MGAT4D: variants seen among roughly 807,000 people sequenced by gnomAD.
The protein encoded by MGAT4D is MGAT4 family member D.
Under a neutral mutation model 15.9 loss-of-function variants are expected in MGAT4D, and 34 were observed. The ratio of observed to expected loss-of-function variants is 2.14; its 90% CI spans 1.62 to 2.84. The LOEUF (loss-of-function observed/expected upper bound fraction) is 2.84, where lower values mean the gene tolerates loss of function less well. Among genes scored for constraint, MGAT4D ranks in the 30% most tolerant of loss-of-function variants. The pLI is 0.00. For synonymous variants in MGAT4D, 112 were observed against 48.2 expected (o/e 2.33, Z -5.49); for missense variants, 327 against 140.2 (o/e 2.33, Z -6.73).
At chr4:140,492,627 CAAA>C (rs57107544) in intron 1 of MGAT4D, among the ~76,000 whole-genome samples, 10 of 113,806 alleles carry the variant, frequency 8.8e-5, no homozygotes, top group South Asian at 2.7e-4. Flanking sequence ...GACTCTGTCT[CAAA>C]AAAAAAAAAA....
At chr4:140,497,478 C>T (rs1406724515) in intron 1 of MGAT4D, among the ~76,000 whole-genome samples, 3 of 152,120 alleles carry the variant, frequency 2.0e-5, no homozygotes, top group African/African-American at 4.8e-5. Context: ...AACTGGGCAA[C>T]CTGTACCTTT....
At chr4:140,450,318 G>C (rs1294164750) in intron 10 of MGAT4D, among the ~76,000 whole-genome samples, 1 of 151,998 alleles carries the variant, frequency 6.6e-6, no homozygotes, top group Admixed American at 6.6e-5. Flanking sequence ...ATCATATCTG[G>C]CCAAAAAATA....
intron 1 of MGAT4D, among the ~76,000 whole-genome samples, chr4:140,493,050 G>A (rs1450878894): frequency 6.6e-6 from 1 of 151,866 alleles, no homozygotes; most frequent in Non-Finnish European, 1.5e-5. Context: ...CCATTTTCTT[G>A]CTTCCTTATT....
chr4:140,442,663 G>A lies in MGAT4D; in HGVS notation c.*773C>T, dbSNP rs944562212. 6.6e-6 allele frequency: 1 copy of A among 152,142 alleles called. No homozygotes were observed. The highest frequency in any genetic ancestry group is 2.4e-5 in the African/African-American group (1 of 41,524). 9.4% of individuals were successfully genotyped at this position (152,142 alleles called of 1,614,324 possible). Reference sequence around the variant, plus strand: ...AAATGAATATAACATATTTAAAAGGGAGTATACAGAAACTATACATTCTTT... The same window carrying A: ...AAATGAATATAACATATTTAAAAGGAAGTATACAGAAACTATACATTCTTT... On this transcript the variant is annotated 3_prime_UTR_variant, in exon 11 of 11. Transcript: ENST00000511113.
chr4:140,495,374 G>A (rs752638526), intron 1 of MGAT4D, among the ~76,000 whole-genome samples: 1 of 152,136 alleles, frequency 6.6e-6, no homozygotes, highest in Non-Finnish European at 1.5e-5. Context: ...TCATTTGTTT[G>A]TTGTTTACTT....
chr4:140,477,863 A>C (rs1442001725), intron 3 of MGAT4D, among the ~76,000 whole-genome samples: 2 of 152,226 alleles, frequency 1.3e-5, no homozygotes, highest in Non-Finnish European at 2.9e-5. Flanking sequence ...ATAAATTACA[A>C]ATATGTTTCC....
intron 5 of MGAT4D, among the ~76,000 whole-genome samples, chr4:140,469,335 T>G (rs1731758408): frequency 6.6e-6 from 1 of 152,202 alleles, no homozygotes; most frequent in Admixed American, 6.5e-5. Context: ...CGCCCTTACA[T>G]TCTTCAGTGT....
At chr4:140,498,038 T>G (rs1427245665) in intron 1 of MGAT4D, 91 bp downstream of exon 1, 6 of 611,804 alleles carry the variant, frequency 9.8e-6, no homozygotes, top group Non-Finnish European at 1.8e-5. Context: ...CCGCATCGCC[T>G]CCGCACCCGC....
intron 1 of MGAT4D, among the ~76,000 whole-genome samples, chr4:140,493,586 T>G (rs927884004): frequency 2.0e-5 from 3 of 152,160 alleles, no homozygotes; most frequent in African/African-American, 7.2e-5. Context: ...TGAGCCACCG[T>G]GCCTGGCCTG....
chr4:140,456,978 A>G (rs1730850374), intron 8 of MGAT4D: 2 of 193,246 alleles, frequency 1.0e-5, no homozygotes, highest in East Asian at 2.4e-4. Flanking sequence ...ATAACTCATG[A>G]GGATTGATTG....
Position 140,484,705 on chromosome 4 carries a change from GA to G in MGAT4D, c.95-2221del, listed in dbSNP as rs374801595. 4.4e-3 allele frequency among the ~76,000 whole-genome samples: 669 copies of G among 151,972 alleles called. 4 individuals are homozygous for G. Among genetic ancestry groups the G allele is most frequent in the Middle Eastern group, 0.01 (3 of 294 alleles). On this transcript the variant is annotated intron_variant, in intron 1 of 10. Coordinates refer to ENST00000511113, the MANE Select transcript of MGAT4D (RefSeq NM_001277353.2). ...ACAATGAACTCAAACAAATTTACAAGAAAAAAACAAACAACCCCATCAAAAA... is the reference window on the plus strand; with the variant it reads ...ACAATGAACTCAAACAAATTTACAAGAAAAAACAAACAACCCCATCAAAAA...
intron 1 of MGAT4D, among the ~76,000 whole-genome samples, chr4:140,486,112 A>G (rs1733110244): frequency 6.6e-6 from 1 of 152,038 alleles, no homozygotes; most frequent in Admixed American, 6.6e-5. Flanking sequence ...GGAGCCCAGC[A>G]TCACCCACAC....
At chr4:140,443,959 T>A (rs1361418899) in intron 10 of MGAT4D, among the ~76,000 whole-genome samples, 3 of 152,104 alleles carry the variant, frequency 2.0e-5, no homozygotes, top group Admixed American at 2.0e-4. Context: ...GAAATGAGTT[T>A]TGAATTTCTT....
At chr4:140,459,665 C>T (rs1021554163) in intron 7 of MGAT4D, 39 bp from the exon 8 acceptor site, 23 of 393,866 alleles carry the variant, frequency 5.8e-5, no homozygotes, top group African/African-American at 3.8e-4. Flanking sequence ...ATATCTTTGA[C>T]GCTTCCATTG....
chr4:140,492,228 G>T (rs1484123606), intron 1 of MGAT4D, among the ~76,000 whole-genome samples: 3 of 152,126 alleles, frequency 2.0e-5, no homozygotes, highest in Non-Finnish European at 4.4e-5. Context: ...TTTGGAGGAT[G>T]CACCACTGTG....
intron 4 of MGAT4D, among the ~76,000 whole-genome samples, chr4:140,473,177 A>AT (rs1354475565): frequency 6.6e-6 from 1 of 150,984 alleles, no homozygotes; most frequent in Non-Finnish European, 1.5e-5. Context: ...CTTCATTCCT[A>AT]TTTAACATAA....
At chr4:140,475,421 G>T (rs968206337) in intron 3 of MGAT4D, among the ~76,000 whole-genome samples, 1 of 152,036 alleles carries the variant, frequency 6.6e-6, no homozygotes, top group Admixed American at 6.5e-5. Flanking sequence ...AGTAACTTTT[G>T]TTGCCCAAGA....
chr4:140,474,209 A>C (rs1578685975), intron 4 of MGAT4D, among the ~76,000 whole-genome samples: 1 of 152,298 alleles, frequency 6.6e-6, no homozygotes, highest in East Asian at 1.9e-4. Context: ...GTCATTAGAG[A>C]GATCTAGGCT....
chr4:140,485,810 T>TAAA (rs61131099), intron 1 of MGAT4D, among the ~76,000 whole-genome samples: 2 of 13,026 alleles, frequency 1.5e-4, no homozygotes, highest in African/African-American at 2.7e-4. Flanking sequence ...GACCCTGTCT[T>TAAA]AAAAAAAAAA....
Sources: gnomAD v4.1 joint callset for allele counts (sites outside exome capture counted in the v4.1 genomes callset) on GRCh38, gnomAD v4.1.1 for gene constraint, MANE v1.5 for transcripts, NCBI Gene and HGNC (gene_info 2026-07-23, HGNC 2026-07-21) for gene names.